Variants in BMPR1B observed in about 807,000 individuals in gnomAD.
The protein encoded by BMPR1B is bone morphogenetic protein receptor type 1B, also known as bone morphogenetic protein receptor type-1B.
A neutral mutation model predicts 59.1 loss-of-function variants in BMPR1B; 12 were observed. The ratio of observed to expected loss-of-function variants is 0.20; its 90% CI spans 0.13 to 0.33. The LOEUF is 0.33. Ranked by LOEUF, BMPR1B falls within the 10% of genes least tolerant of loss-of-function variation. BMPR1B has a pLI of 1.00. For synonymous variants in BMPR1B, 237 were observed against 207.3 expected (o/e 1.14, Z -1.23); for missense variants, 550 against 610.9 (o/e 0.90, Z 1.05).
rs1371115701 is a variant in BMPR1B at position 95,011,017 on chromosome 4, CTTTAA to C, written c.-18+14888_-18+14892del. 2.0e-5 allele frequency among the ~76,000 whole-genome samples: 3 copies of C among 152,026 alleles called. No homozygotes were observed. In the East Asian group the frequency reaches 5.8e-4, roughly 29 times the overall value. On this transcript the variant is annotated intron_variant, in intron 3 of 12. Coordinates refer to ENST00000515059, the MANE Select transcript of BMPR1B (RefSeq NM_001203.3). Reference sequence around the variant, plus strand: ...ATTTCTCTCTTTTTTTGTGAAAAACCTTTAATTTATGTCAGTTGCTTTTTAATCTG... The same window carrying C: ...ATTTCTCTCTTTTTTTGTGAAAAACCTTTATGTCAGTTGCTTTTTAATCTG...
In BMPR1B at chr4:95,017,634, A is replaced by G. The variant is rs1723673545; in HGVS notation, c.-18+21500A>G. ...CTTAGCATCAGTATTTCAATATTTC[A>G]TCAGTATTTCAGTGTTGCCCTAAAA... On this transcript the variant is annotated intron_variant, in intron 3 of 12. Transcript: ENST00000515059. Among the ~76,000 whole-genome samples the G allele has an allele frequency of 2.0e-5, 3 of 152,154 alleles. No homozygotes were observed. The South Asian group carries it at 6.2e-4, about 31-fold the overall frequency.
At chr4:94,987,699 G>C (rs1036155744) in intron 2 of BMPR1B, among the ~76,000 whole-genome samples, 1 of 151,608 alleles carries the variant, frequency 6.6e-6, no homozygotes, top group Non-Finnish European at 1.5e-5. Context: ...ACCCCCCCTC[G>C]AAAGATACTT....
At chr4:94,957,358 T>TCC (rs1730183186) in intron 2 of BMPR1B, among the ~76,000 whole-genome samples, 3 of 137,980 alleles carry the variant, frequency 2.2e-5, no homozygotes, top group Admixed American at 1.5e-4. Context: ...TTTTTTTTTT[T>TCC]TTCCTTTTGC....
At chr4:94,983,672 C>T (rs957155229) in intron 2 of BMPR1B, among the ~76,000 whole-genome samples, 13 of 152,164 alleles carry the variant, frequency 8.5e-5, no homozygotes, top group Middle Eastern at 3.2e-3. Flanking sequence ...CACAGTGTCC[C>T]ATATTAGAAA....
At position 94,761,648 on chromosome 4, in the gene BMPR1B, CACTTT is replaced by C. The variant is rs1444824502; in HGVS notation, c.-183+3585_-183+3589del. Among the ~76,000 whole-genome samples the C allele has an allele frequency of 2.0e-5, 3 of 151,990 alleles. No homozygotes were observed. The East Asian group carries it at 5.8e-4, about 29-fold the overall frequency. ...CACAGCTTTAAAAAAACTTGAAGAC[CACTTT>C]ACTTGTTGTCCTCCAGTCCCTCTTC... On this transcript the variant is annotated intron_variant, in intron 1 of 12. Coordinates refer to ENST00000515059, the MANE Select transcript of BMPR1B (RefSeq NM_001203.3).
At chr4:95,078,891 G>T (rs1040863332) in intron 3 of BMPR1B, among the ~76,000 whole-genome samples, 14 of 152,056 alleles carry the variant, frequency 9.2e-5, no homozygotes, top group African/African-American at 2.9e-4. Flanking sequence ...CAGGATAGCT[G>T]GGACCACAGG....
chr4:94,867,294 G>T (rs1726286960), intron 1 of BMPR1B, among the ~76,000 whole-genome samples: 1 of 152,088 alleles, frequency 6.6e-6, no homozygotes, highest in Admixed American at 6.6e-5. Context: ...ACATGTTTGT[G>T]TGTTCCATAG....
chr4:94,863,296 G>T (rs1382933374), intron 1 of BMPR1B, among the ~76,000 whole-genome samples: 1 of 151,970 alleles, frequency 6.6e-6, no homozygotes, highest in African/African-American at 2.4e-5. Context: ...TTTATCTATA[G>T]AACAAACCTG....
At chr4:94,991,952 T>C (rs1199193085) in intron 2 of BMPR1B, among the ~76,000 whole-genome samples, 1 of 152,192 alleles carries the variant, frequency 6.6e-6, no homozygotes. Flanking sequence ...GATTCTAGAC[T>C]AGTATATTTA....
intron 3 of BMPR1B, among the ~76,000 whole-genome samples, chr4:95,090,598 A>G (rs1173394212): frequency 6.6e-6 from 1 of 152,054 alleles, no homozygotes; most frequent in Non-Finnish European, 1.5e-5. Flanking sequence ...ACACTCTCCA[A>G]ATAGATTTTA....
Position 94,886,264 on chromosome 4 carries a change from G to T in BMPR1B, c.-113+10364G>T, listed in dbSNP as rs375836513. Among the ~76,000 whole-genome samples the T allele has an allele frequency of 1.3e-3, 191 of 152,270 alleles. 6 individuals are homozygous for T. In the South Asian group the frequency reaches 0.038, roughly 30 times the overall value. Reference sequence around the variant, plus strand: ...AAAAGACTATTACAATTTGATAAAAGATTAAAATATTCTGAAAGATACAGT... The same window carrying T: ...AAAAGACTATTACAATTTGATAAAATATTAAAATATTCTGAAAGATACAGT... On this transcript the variant is annotated intron_variant, in intron 2 of 12. Coordinates refer to ENST00000515059, the MANE Select transcript of BMPR1B (RefSeq NM_001203.3).
intron 3 of BMPR1B, among the ~76,000 whole-genome samples, chr4:95,044,211 C>T (rs982217446): frequency 1.3e-5 from 2 of 152,120 alleles, no homozygotes; most frequent in Non-Finnish European, 2.9e-5. Flanking sequence ...CCAGTGGTAA[C>T]TATAGAGAAT....
At chr4:94,778,247 T>C (rs7684060) in intron 1 of BMPR1B, among the ~76,000 whole-genome samples, 37,897 of 152,036 alleles carry the variant, frequency 0.25, 5,023 homozygotes, top group South Asian at 0.31. Context: ...AGTTTTATGT[T>C]TATTATTCAC....
Position 94,795,223 on chromosome 4 carries a change from G to A in BMPR1B, c.-183+37155G>A, listed in dbSNP as rs534443433. On this transcript the variant is annotated intron_variant, in intron 1 of 12. Coordinates refer to ENST00000515059, the MANE Select transcript of BMPR1B (RefSeq NM_001203.3). ...ATACCTAATTTATTGAGAGTTTTTA[G>A]CATGAAGGGTTGTTGAATTTTGTCA... 1.6e-3 allele frequency among the ~76,000 whole-genome samples: 242 copies of A among 147,314 alleles called. 1 individual carries two copies. Among genetic ancestry groups the A allele is most frequent in the African/African-American group, 5.7e-3 (225 of 39,562 alleles).
chr4:94,922,513 G>A (rs1251254797), intron 2 of BMPR1B, among the ~76,000 whole-genome samples: 7 of 152,092 alleles, frequency 4.6e-5, no homozygotes, highest in Non-Finnish European at 1.0e-4. Context: ...TGTTGATAAT[G>A]TTTTAGCACT....
At chr4:94,915,020 G>T (rs574271360) in intron 2 of BMPR1B, among the ~76,000 whole-genome samples, 1 of 152,184 alleles carries the variant, frequency 6.6e-6, no homozygotes, top group African/African-American at 2.4e-5. Context: ...GAATTTGCAG[G>T]TTTGCTATAG....
chr4:95,090,974 A>G (rs1262129559), intron 3 of BMPR1B, among the ~76,000 whole-genome samples: 1 of 152,130 alleles, frequency 6.6e-6, no homozygotes, highest in Non-Finnish European at 1.5e-5. Flanking sequence ...GACATTTAGT[A>G]AAGGTAAACC....
intron 2 of BMPR1B, among the ~76,000 whole-genome samples, chr4:94,946,722 G>A (rs1729722462): frequency 1.3e-5 from 2 of 152,052 alleles, no homozygotes. Flanking sequence ...GCTGTATTTG[G>A]AGGTAAACCT....
intron 1 of BMPR1B, among the ~76,000 whole-genome samples, chr4:94,802,934 G>A (rs1376821244): frequency 6.6e-6 from 1 of 152,108 alleles, no homozygotes; most frequent in Non-Finnish European, 1.5e-5. Context: ...GGGATAGTGG[G>A]CAGGACAGAG....
Sources: gnomAD v4.1 joint callset for allele counts (sites outside exome capture counted in the v4.1 genomes callset) on GRCh38, gnomAD v4.1.1 for gene constraint, MANE v1.5 for transcripts, NCBI Gene and HGNC (gene_info 2026-07-23, HGNC 2026-07-21) for gene names.